The following KMT2A variants were observed in gnomAD, a reference collection of about 807,000 sequenced individuals.
KMT2A encodes histone-lysine N-methyltransferase 2A.
Under a neutral mutation model 345.3 loss-of-function variants are expected in KMT2A, and 16 were observed. That is an observed-to-expected ratio of 0.05 (90% CI 0.03 to 0.07). The LOEUF is 0.07. KMT2A is among the 10% of genes least tolerant of loss of function. The pLI, the probability that KMT2A is intolerant of heterozygous loss-of-function variation, is 1.00. For missense variants in KMT2A, 3,272 were observed against 4,841.6 expected (o/e 0.68, Z 9.62); for synonymous variants, 1,599 against 1,778.6 (o/e 0.90, Z 2.54).
chr11:118,502,865 A>G lies in KMT2A; in HGVS notation c.6973A>G (p.Asn2325Asp), dbSNP rs954145676. The change falls in exon 27 of 36, where the codon AAT (asparagine) becomes GAT (aspartate). Residue 2325 changes from asparagine to aspartate, a missense_variant. By Grantham distance (23) the Asn-to-Asp change is conservative (BLOSUM62 1). Transcript: ENST00000534358. The surrounding 1 kb of genome is among the most constrained non-coding windows in gnomAD (Gnocchi z 4.9). Reference protein sequence around the residue: ...SSKSSEGSAHNVAYPGIPKLA... With the variant: ...SSKSSEGSAHDVAYPGIPKLA... ...CAAGAGCTCAGAGGGATCTGCACAT[A>G]ATGTGGCTTACCCTGGAATTCCTAA... 4 of 1,614,174 alleles carry G rather than the reference A, an allele frequency of 2.5e-6. No homozygotes were observed. Among genetic ancestry groups the G allele is most frequent in the Non-Finnish European group, 3.4e-6 (4 of 1,180,016 alleles).
chr11:118,506,566 C>T lies in KMT2A; in HGVS notation c.10674C>T (p.His3558=), dbSNP rs782661362. The change falls in exon 27 of 36, where the codon CAC becomes CAT. Residue 3558 remains histidine, a synonymous_variant. Coordinates refer to ENST00000534358, the MANE Select transcript of KMT2A (RefSeq NM_001197104.2). ...LPLDKGNGKK[H]KVSHLRTSSS... is the part of the protein sequence containing the mutation. ...TAGACAAAGGGAATGGCAAGAAGCA[C>T]AAAGTTTCCCATTTGCGGACCAGTT... is the stretch of plus-strand genomic sequence containing the variant. The T allele has an allele frequency of 6.2e-7, 1 of 1,614,126 alleles. No homozygotes were observed. Among genetic ancestry groups the T allele is most frequent in the East Asian group, 2.2e-5 (1 of 44,876 alleles).
chr11:118,474,654 G>A (rs1555037028), intron 3 of KMT2A, among the ~76,000 whole-genome samples: 1 of 152,214 alleles, frequency 6.6e-6, no homozygotes, highest in Non-Finnish European at 1.5e-5. Flanking sequence ...AGGATGCTGA[G>A]TTGTTTGTAC....
rs1555044548 is a variant in KMT2A, at chr11:118,498,065, A to G, written c.5794A>G (p.Lys1932Glu). 1 of 1,613,896 alleles carries G rather than the reference A, an allele frequency of 6.2e-7. No individual in the cohort carries two copies. Among genetic ancestry groups the G allele is most frequent in the Non-Finnish European group, 8.5e-7 (1 of 1,179,984 alleles). Residue 1932 changes from lysine (K) to glutamate (E), a missense_variant, in exon 21 of 36, where the codon AAG becomes GAG. Around this residue, in one of 27 missense-constraint regions of KMT2A, gnomAD observed 235 missense variants for 503.4 expected, o/e 0.47. Coordinates refer to ENST00000534358, the MANE Select transcript of KMT2A (RefSeq NM_001197104.2). The surrounding 1 kb of genome is among the most constrained non-coding windows in gnomAD (Gnocchi z 4.4). ...TGTGCATATGGCTGTGATCAGGGGC[A>G]AGCAGCTGGTAAGACCTTATGGGTA... Reference protein sequence around the residue: ...KNVHMAVIRGKQLRCEFCQKP... With the variant: ...KNVHMAVIRGEQLRCEFCQKP...
intron 31 of KMT2A, among the ~76,000 whole-genome samples, chr11:118,516,459 T>C (rs1218881796): frequency 6.6e-6 from 1 of 152,114 alleles, no homozygotes; most frequent in Admixed American, 6.6e-5. Context: ...AGTGAAACTC[T>C]CTTAAAAAAA....
Position 118,501,730 on chromosome 11 carries a change from C to A in KMT2A, c.6378C>A (p.Asp2126Glu), listed in dbSNP as rs1248330083. ...TAEIISPPSP[D>E]RPPHSQTSGS... is the part of the protein sequence containing the mutation. ...AAATTATAAGTCCTCCATCACCAGACCGACCTCCTCATTCACAAACCTCTG... is the reference window on the plus strand; with the variant it reads ...AAATTATAAGTCCTCCATCACCAGAACGACCTCCTCATTCACAAACCTCTG... Residue 2126 changes from aspartate (D) to glutamate (E), a missense_variant, in exon 26 of 36, where the codon GAC (aspartate) becomes GAA (glutamate). Transcript: ENST00000534358. The A allele has an allele frequency of 1.2e-6, 2 of 1,613,930 alleles. No homozygotes were observed. The highest frequency in any genetic ancestry group is 1.7e-6 in the Non-Finnish European group (2 of 1,179,960).
In KMT2A at chr11:118,520,965, C is replaced by T. The variant is rs9332863; in HGVS notation, c.11513+80C>T. On this transcript the variant is annotated intron_variant, in intron 34 of 35. Transcript: ENST00000534358. This position sits in a 1 kb window ranked among gnomAD's most constrained non-coding sequence, Gnocchi z 4.3. ...CAAAGCAGACCAAATGCTGGAGTGA[C>T]CTTCCTCACTCAGTAAGTGAGGATT... is the stretch of plus-strand genomic sequence containing the variant. 5,410 of 1,036,794 alleles carry T rather than the reference C, an allele frequency of 5.2e-3. 160 individuals are homozygous for T. The African/African-American group carries it at 0.071, about 14-fold the overall frequency. The allele number at this position is 1,036,794 out of a possible 1,614,324, so 64.2% of individuals were successfully genotyped here. A position where few individuals can be genotyped will look rare whatever the true frequency, so the allele number is the denominator to read the frequency against.
rs1950817683 is a variant in KMT2A at position 118,516,468 on chromosome 11, A to G, written c.11147-3150A>G. Among the ~76,000 whole-genome samples the G allele has an allele frequency of 2.0e-5, 3 of 152,326 alleles. No individual in the cohort carries two copies. In the South Asian group the frequency reaches 6.2e-4, roughly 32 times the overall value. On this transcript the variant is annotated intron_variant, in intron 31 of 35. Coordinates refer to ENST00000534358, the MANE Select transcript of KMT2A (RefSeq NM_001197104.2). ...CAACACAGTGAAACTCTCTTAAAAAAAATTAAATTAAATTAACTATGTTTT... is the reference window on the plus strand; with the variant it reads ...CAACACAGTGAAACTCTCTTAAAAAGAATTAAATTAAATTAACTATGTTTT...
rs985000974 is a variant in KMT2A at position 118,496,043 on chromosome 11, T to G, written c.5557+150T>G. 1 of 803,268 alleles carries G rather than the reference T, an allele frequency of 1.2e-6. No homozygotes were observed. Among genetic ancestry groups the G allele is most frequent in the Non-Finnish European group, 2.0e-6 (1 of 498,932 alleles). 49.8% of individuals were successfully genotyped at this position (803,268 alleles called of 1,614,324 possible). On this transcript the variant is annotated intron_variant, in intron 19 of 35. Transcript: ENST00000534358. The surrounding 1 kb of genome is among the most constrained non-coding windows in gnomAD (Gnocchi z 4.7). ...AATGTAATACCATCATTAATTTTGCTTCACTTGAGGTGTTAATGAGGACTT... is the reference window on the plus strand; with the variant it reads ...AATGTAATACCATCATTAATTTTGCGTCACTTGAGGTGTTAATGAGGACTT...
intron 2 of KMT2A, 76 bp from the exon 3 acceptor site, chr11:118,471,584 TAA>T: frequency 2.1e-6 from 2 of 968,792 alleles, no homozygotes; most frequent in South Asian, 1.9e-5. Flanking sequence ...TGGCCAGTGC[TAA>T]GTTATATTCA....
intron 10 of KMT2A, 81 bp from the exon 11 acceptor site, chr11:118,488,533 A>T (rs1315962169): frequency 6.7e-7 from 1 of 1,484,518 alleles, no homozygotes; most frequent in Non-Finnish European, 9.4e-7. Flanking sequence ...TAAAACCCAA[A>T]GTATATAAGA....
chr11:118,522,107 G>A lies in KMT2A; in HGVS notation c.11854G>A (p.Glu3952Lys). The A allele has an allele frequency of 6.2e-7, 1 of 1,614,206 alleles. No individual in the cohort carries two copies. The highest frequency in any genetic ancestry group is 8.5e-7 in the Non-Finnish European group (1 of 1,180,046). Residue 3952 changes from glutamate (E) to lysine (K), a missense_variant, in exon 36 of 36, where the codon GAG becomes AAG. Coordinates refer to ENST00000534358, the MANE Select transcript of KMT2A (RefSeq NM_001197104.2). This position sits in a 1 kb window ranked among gnomAD's most constrained non-coding sequence, Gnocchi z 5.4. Reference protein sequence around the residue: ...ELTYDYKFPIEDASNKLPCNC... With the variant: ...ELTYDYKFPIKDASNKLPCNC... ...CACTTACGACTATAAGTTCCCCATTGAGGATGCCAGCAACAAGCTGCCCTG... is the reference window on the plus strand; with the variant it reads ...CACTTACGACTATAAGTTCCCCATTAAGGATGCCAGCAACAAGCTGCCCTG...
In KMT2A at chr11:118,494,579, T is replaced by C. The variant is rs374953594; in HGVS notation, c.5290-115T>C. 15 of 997,662 alleles carry C rather than the reference T, an allele frequency of 1.5e-5. No individual in the cohort carries two copies. The highest frequency in any genetic ancestry group is 1.0e-4 in the East Asian group (4 of 38,526). The allele number at this position is 997,662 out of a possible 1,614,324, so 61.8% of individuals were successfully genotyped here. A position where few individuals can be genotyped will look rare whatever the true frequency, so the allele number is the denominator to read the frequency against. ...GAGGTTGCCAGAGTGGATGGATCTT[T>C]CTCTTGGTGGCCTGAAATTATCCTC... On this transcript the variant is annotated intron_variant, in intron 17 of 35. Coordinates refer to ENST00000534358, the MANE Select transcript of KMT2A (RefSeq NM_001197104.2). This position sits in a 1 kb window ranked among gnomAD's most constrained non-coding sequence, Gnocchi z 5.8.
chr11:118,477,031 T>G (rs1012981965), intron 4 of KMT2A, 49 bp downstream of exon 4: 1 of 1,589,932 alleles, frequency 6.3e-7, no homozygotes, highest in African/African-American at 1.3e-5. Context: ...TTTGATTTGT[T>G]TGTTGATTAT....
At position 118,512,039 on chromosome 11, in the gene KMT2A, GTGTTAT is replaced by G. The variant is rs1555050259; in HGVS notation, c.11146+16_11146+21del. The G allele has an allele frequency of 6.2e-7, 1 of 1,607,670 alleles. No individual in the cohort carries two copies. ...TCTCATTTGCAGGTAATGGCTGGAGGTGTTATTCCACTCCTGTCTCAGAATATTATG... is the reference window on the plus strand; with the variant it reads ...TCTCATTTGCAGGTAATGGCTGGAGGTCCACTCCTGTCTCAGAATATTATG... On this transcript the variant is annotated intron_variant, in intron 31 of 35. Transcript: ENST00000534358.
chr11:118,519,788 C>T lies in KMT2A; in HGVS notation c.11317C>T (p.Leu3773Phe), dbSNP rs1555052896. The T allele has an allele frequency of 1.9e-6, 3 of 1,610,618 alleles. No homozygotes were observed. The highest frequency in any genetic ancestry group is 2.5e-6 in the Non-Finnish European group (3 of 1,176,914). ...CGGCTCAGCCAGGGCTGAAGTCCAC[C>T]TCAGGCAAGTTCCCTTCTTTTCTGT... ...PHGSARAEVH[L>F]RKSAFDMFNF... Residue 3773 changes from leucine (L) to phenylalanine (F), a missense_variant, in exon 32 of 36, where the codon CTC becomes TTC. This residue lies in a region of KMT2A where 72 missense variants were observed against 135.6 expected (regional missense o/e 0.53). Transcript: ENST00000534358.
At position 118,504,286 on chromosome 11, in the gene KMT2A, T is replaced by C; in HGVS notation, c.8394T>C (p.Asp2798=). 1 of 1,614,124 alleles carries C rather than the reference T, an allele frequency of 6.2e-7. No individual in the cohort carries two copies. Among genetic ancestry groups the C allele is most frequent in the Non-Finnish European group, 8.5e-7 (1 of 1,180,014 alleles). Residue 2798 remains aspartate, a synonymous_variant, in exon 27 of 36, where the codon GAT becomes GAC. Coordinates refer to ENST00000534358, the MANE Select transcript of KMT2A (RefSeq NM_001197104.2). The surrounding 1 kb of genome is among the most constrained non-coding windows in gnomAD (Gnocchi z 6.4). The stretch of plus-strand genomic sequence containing the variant: ...GCAGAGTTAAAACACAGGGACAAGA[T>C]TCCTTGGAAGCTCAGCTCAGCTCAT... ...SVSRVKTQGQ[D]SLEAQLSSLE... is the part of the protein sequence containing the mutation.
Position 118,474,444 on chromosome 11 carries a change from A to G in KMT2A, c.3156+129A>G, listed in dbSNP as rs2134274378. The G allele has an allele frequency of 6.8e-6, 8 of 1,176,808 alleles. No individual in the cohort carries two copies. In the South Asian group the frequency reaches 1.3e-4, roughly 19 times the overall value. The allele number at this position is 1,176,808 out of a possible 1,614,324, so 72.9% of individuals were successfully genotyped here. A position where few individuals can be genotyped will look rare whatever the true frequency, so the allele number is the denominator to read the frequency against. On this transcript the variant is annotated intron_variant, in intron 3 of 35. Coordinates refer to ENST00000534358, the MANE Select transcript of KMT2A (RefSeq NM_001197104.2). The stretch of plus-strand genomic sequence containing the variant: ...AGAAAAGTATGGTGGAGGCAGTGGT[A>G]TTTGCAGTAGTCCTTCAAGGACCAG...
At position 118,496,370 on chromosome 11, in the gene KMT2A, A is replaced by G; in HGVS notation, c.5664+3A>G. 6.2e-7 allele frequency: 1 copy of G among 1,602,956 alleles called. No individual in the cohort carries two copies. The highest frequency in any genetic ancestry group is 2.2e-5 in the East Asian group (1 of 44,812). On this transcript the variant is annotated splice_donor_region_variant and intron_variant, in intron 20 of 35. Coordinates refer to ENST00000534358, the MANE Select transcript of KMT2A (RefSeq NM_001197104.2). This position sits in a 1 kb window ranked among gnomAD's most constrained non-coding sequence, Gnocchi z 4.7. ...CTTATGGTGATGACAGTGCTAATGT[A>G]AGTACTTTGCAACACAGGGCCCTAG... is the stretch of plus-strand genomic sequence containing the variant.
chr11:118,438,758 C>T (rs1949253231), intron 1 of KMT2A, among the ~76,000 whole-genome samples: 1 of 151,870 alleles, frequency 6.6e-6, no homozygotes, highest in Non-Finnish European at 1.5e-5. Context: ...TTCCTGCCTC[C>T]TTTTTTTTAA....
Sources: allele counts gnomAD v4.1 joint callset (sites outside exome capture counted in the v4.1 genomes callset), GRCh38; gene constraint gnomAD v4.1.1; regional missense constraint gnomAD v4.1.1; non-coding constraint Gnocchi (gnomAD v3.1); transcripts MANE v1.5; gene names NCBI Gene and HGNC (gene_info 2026-07-23, HGNC 2026-07-21).